Variants in IFI27 observed in about 807,000 individuals in gnomAD.
IFI27 encodes the protein interferon alpha-inducible protein 27, mitochondrial.
IFI27 carries 3 observed loss-of-function variants against 8.9 expected under a neutral mutation model. The ratio of observed to expected loss-of-function variants is 0.34; its 90% CI spans 0.15 to 0.87. IFI27 has a LOEUF of 0.87. Ranked by LOEUF, IFI27 falls within the 40% of genes least tolerant of loss-of-function variation. IFI27 has a pLI of 0.51. For missense variants in IFI27, 152 were observed against 157.7 expected (o/e 0.96, Z 0.19); for synonymous variants, 66 against 67.3 (o/e 0.98, Z 0.09).
chr14:94,115,994 C>T, intron 4 of IFI27, 52 bp downstream of exon 4: 1 of 1,508,042 alleles, frequency 6.6e-7, no homozygotes, highest in Non-Finnish European at 9.0e-7. Context: ...GGGCAAGAGC[C>T]TCCAAGGACC....
At chr14:94,113,792 C>T (rs1327612994) in intron 2 of IFI27, 1 of 152,342 alleles carries the variant, frequency 6.6e-6, no homozygotes, top group Non-Finnish European at 1.5e-5. Flanking sequence ...TCCCTGGGCT[C>T]ATAACCCTTC....
rs1887208505 is a variant in IFI27 at position 94,111,942 on chromosome 14, G to A, written c.91+169G>A. The stretch of plus-strand genomic sequence containing the variant: ...ACCCTAACTTTCCATCTGGGAGGGG[G>A]CCCGGGGCAGGCAGACTCTGGCCAG... On this transcript the variant is annotated intron_variant, in intron 2 of 4. Coordinates refer to ENST00000621160, the Ensembl canonical transcript of IFI27. This position sits in a 1 kb window ranked among gnomAD's most constrained non-coding sequence, Gnocchi z 4.3. The A allele has an allele frequency of 3.0e-6, 2 of 657,464 alleles. No homozygotes were observed. The highest frequency in any genetic ancestry group is 1.7e-5 in the South Asian group (1 of 57,144). The allele number at this position is 657,464 out of a possible 1,614,324, so 40.7% of individuals were successfully genotyped here.
upstream of IFI27, among the ~76,000 whole-genome samples, chr14:94,108,042 T>C (rs1409861476): frequency 4.6e-5 from 7 of 152,284 alleles, no homozygotes; most frequent in South Asian, 1.5e-3. Flanking sequence ...CCTGTGTCCA[T>C]GTGTTCTCAT....
chr14:94,114,908 A>T (rs966796019), intron 3 of IFI27, 28 bp downstream of exon 3: 2 of 1,609,500 alleles, frequency 1.2e-6, no homozygotes, highest in Middle Eastern at 3.3e-4. Context: ...GGGCTCAAGT[A>T]ACCACCTGCC....
rs117317777 is a variant in IFI27 at position 94,111,874 on chromosome 14, C to A, written c.91+101C>A. On this transcript the variant is annotated intron_variant, in intron 2 of 4. Transcript: ENST00000621160. This position sits in a 1 kb window ranked among gnomAD's most constrained non-coding sequence, Gnocchi z 4.3. ...CGTGGGAGAGAAAATGGGGGACACCCGCAGCCTTGCTGCCCTGTCCTGTCT... is the reference window on the plus strand; with the variant it reads ...CGTGGGAGAGAAAATGGGGGACACCAGCAGCCTTGCTGCCCTGTCCTGTCT... 9 of 909,034 alleles carry A rather than the reference C, an allele frequency of 9.9e-6. No individual in the cohort carries two copies. The East Asian group carries it at 1.5e-4, about 15-fold the overall frequency. 56.3% of individuals were successfully genotyped at this position (909,034 alleles called of 1,614,324 possible).
At chr14:94,106,730 G>A (rs1240502921), upstream of IFI27, among the ~76,000 whole-genome samples, 3 of 152,110 alleles carry the variant, frequency 2.0e-5, no homozygotes, top group Admixed American at 6.6e-5. Context: ...GTATCTGCTC[G>A]GCTTCTGGTG....
In IFI27 at chr14:94,116,101, A is replaced by C; in HGVS notation, c.283+159A>C. ...TTTCTCTGAGGGAGATGGAGGAGGG[A>C]GGGAAGGAGCCCAAGCCAGGAACAG... On this transcript the variant is annotated intron_variant, in intron 4 of 4. Transcript: ENST00000621160. The surrounding 1 kb of genome is among the most constrained non-coding windows in gnomAD (Gnocchi z 4.3). 1 of 908,576 alleles carries C rather than the reference A, an allele frequency of 1.1e-6. No homozygotes were observed. Among genetic ancestry groups the C allele is most frequent in the East Asian group, 2.6e-5 (1 of 38,118 alleles). The allele number at this position is 908,576 out of a possible 1,614,324, so 56.3% of individuals were successfully genotyped here.
upstream of IFI27, among the ~76,000 whole-genome samples, chr14:94,106,240 T>C (rs535976100): frequency 2.0e-5 from 3 of 152,342 alleles, no homozygotes; most frequent in South Asian, 6.2e-4. Flanking sequence ...CATCTCCCAA[T>C]ACCATCACCT....
intron 2 of IFI27, chr14:94,114,409 CG>C (rs1373263434): frequency 5.6e-6 from 1 of 178,032 alleles, no homozygotes; most frequent in Non-Finnish European, 1.2e-5. Flanking sequence ...TTCCCTGCCC[CG>C]GTCAAACCAC....
At chr14:94,107,245 A>G (rs1238111177), upstream of IFI27, among the ~76,000 whole-genome samples, 1 of 152,032 alleles carries the variant, frequency 6.6e-6, no homozygotes, top group Non-Finnish European at 1.5e-5. Context: ...AATCTTTTGT[A>G]GTTTTAATAG....
chr14:94,106,923 C>T (rs1887022465), upstream of IFI27, among the ~76,000 whole-genome samples: 2 of 152,102 alleles, frequency 1.3e-5, no homozygotes, highest in Admixed American at 6.5e-5. Context: ...GACCGAAACA[C>T]CCCCGACTAG....
In IFI27 at chr14:94,116,088, A is replaced by C. The variant is rs1567081042; in HGVS notation, c.283+146A>C. The C allele has an allele frequency of 1.0e-6, 1 of 961,270 alleles. No homozygotes were observed. The highest frequency in any genetic ancestry group is 1.6e-6 in the Non-Finnish European group (1 of 621,526). 59.5% of individuals were successfully genotyped at this position (961,270 alleles called of 1,614,324 possible). A position where few individuals can be genotyped will look rare whatever the true frequency, so the allele number is the denominator to read the frequency against. The stretch of plus-strand genomic sequence containing the variant: ...CATTCTCTCAGGGTTTCTCTGAGGG[A>C]GATGGAGGAGGGAGGGAAGGAGCCC... On this transcript the variant is annotated intron_variant, in intron 4 of 4. Coordinates refer to ENST00000621160, the Ensembl canonical transcript of IFI27. The surrounding 1 kb of genome is among the most constrained non-coding windows in gnomAD (Gnocchi z 4.3).
In IFI27 at chr14:94,115,948, T is replaced by C. The variant is rs924161892; in HGVS notation, c.283+6T>C. The C allele has an allele frequency of 3.8e-6, 6 of 1,569,112 alleles. No individual in the cohort carries two copies. The highest frequency in any genetic ancestry group is 1.2e-5 in the South Asian group (1 of 85,768). ...GGCTACTCTGCAGTCACTGGGTAAG[T>C]ATCCTGGCGGGGCTTGCTGGGGAGG... On this transcript the variant is annotated splice_donor_region_variant and intron_variant, in intron 4 of 4. Transcript: ENST00000621160.
rs34258981 is a variant in IFI27 at position 94,116,280 on chromosome 14, A to T, written c.284-162A>T. 264,326 of 647,672 alleles carry T rather than the reference A, an allele frequency of 0.41. 60,880 individuals are homozygous for T. Among genetic ancestry groups the T allele is most frequent in the Non-Finnish European group, 0.51 (184,691 of 362,392 alleles). The allele number at this position is 647,672 out of a possible 1,614,324, so 40.1% of individuals were successfully genotyped here. A position where few individuals can be genotyped will look rare whatever the true frequency, so the allele number is the denominator to read the frequency against. Reference sequence around the variant, plus strand: ...CATGCCTGCAGCAGCCTCTCCCCAAACAAAGACCCCGAGGGTACTGGGAAA... The same window carrying T: ...CATGCCTGCAGCAGCCTCTCCCCAATCAAAGACCCCGAGGGTACTGGGAAA... On this transcript the variant is annotated intron_variant, in intron 4 of 4. Coordinates refer to ENST00000621160, the Ensembl canonical transcript of IFI27. The surrounding 1 kb of genome is among the most constrained non-coding windows in gnomAD (Gnocchi z 4.3).
intron 2 of IFI27, 33 bp from the exon 3 acceptor site, chr14:94,114,818 G>T: frequency 6.2e-7 from 1 of 1,613,554 alleles, no homozygotes; most frequent in Non-Finnish European, 8.5e-7. Context: ...AGCCAGTGTG[G>T]ATCTACTCAC....
At chr14:94,109,211 C>T (rs886736642), upstream of IFI27, among the ~76,000 whole-genome samples, 1 of 151,630 alleles carries the variant, frequency 6.6e-6, no homozygotes, top group East Asian at 1.9e-4. Context: ...AGGAGAATCA[C>T]TTGAATCACT....
upstream of IFI27, among the ~76,000 whole-genome samples, chr14:94,107,362 C>T (rs2139281838): frequency 6.6e-6 from 1 of 152,324 alleles, no homozygotes; most frequent in East Asian, 1.9e-4. Context: ...TGAGCCACCA[C>T]TCCCACTTTT....
rs780494242 is a variant in IFI27, at chr14:94,111,696, C to T, written c.14C>T (p.Ala5Val). 3.1e-6 allele frequency: 5 copies of T among 1,614,146 alleles called. No homozygotes were observed. Among genetic ancestry groups the T allele is most frequent in the South Asian group, 2.2e-5 (2 of 91,088 alleles). Residue 5 changes from alanine (A) to valine (V), a missense_variant, in exon 2 of 5, where the codon GCT (alanine) becomes GTT (valine). Physicochemically the swap from Ala to Val is moderately conservative, Grantham distance 64 (BLOSUM62 0). Coordinates refer to ENST00000621160, the Ensembl canonical transcript of IFI27. The surrounding 1 kb of genome is among the most constrained non-coding windows in gnomAD (Gnocchi z 4.3). ...ACCCGAGCAGGCATGGAGGCCTCTG[C>T]TCTCACCTCATCAGCAGTGACCAGT...
upstream of IFI27, among the ~76,000 whole-genome samples, chr14:94,109,885 G>A (rs28489163): frequency 0.13 from 20,198 of 152,238 alleles, 1,446 homozygotes; most frequent in African/African-American, 0.16. Flanking sequence ...GCAGCTGCAG[G>A]GTGAGCCTGA....
Sources: allele counts gnomAD v4.1 joint callset (sites outside exome capture counted in the v4.1 genomes callset), GRCh38; gene constraint gnomAD v4.1.1; non-coding constraint Gnocchi (gnomAD v3.1); transcripts MANE v1.5; gene names NCBI Gene and HGNC (gene_info 2026-07-23, HGNC 2026-07-21).